SIRPA: variants seen among roughly 807,000 people sequenced by gnomAD.
The protein encoded by SIRPA is tyrosine-protein phosphatase non-receptor type substrate 1.
In SIRPA, 9 loss-of-function variants were observed where a neutral mutation model predicts 50.3. The observed-to-expected ratio is 0.18, with a 90% CI of 0.11 to 0.31. SIRPA has a LOEUF of 0.31. Ranked by LOEUF, SIRPA falls within the 10% of genes least tolerant of loss-of-function variation. The pLI is 1.00. For synonymous variants in SIRPA, 265 were observed against 284.1 expected, an observed-to-expected ratio of 0.93 and a Z score of 0.68; for missense variants, 474 against 661.6, an observed-to-expected ratio of 0.72 and a Z score of 3.11.
intron 2 of SIRPA, among the ~76,000 whole-genome samples, chr20:1,920,752 G>A (rs1985599050): frequency 6.6e-6 from 1 of 152,188 alleles, no homozygotes. Flanking sequence ...AGAGAGCTTT[G>A]GATATGAATA....
intron 5 of SIRPA, among the ~76,000 whole-genome samples, chr20:1,926,573 C>T (rs886629502): frequency 1.4e-4 from 22 of 152,318 alleles, no homozygotes; most frequent in East Asian, 5.8e-4. Context: ...GTGACAGGGA[C>T]GGCTAGTATC....
rs948620896 is a variant in SIRPA at position 1,928,400 on chromosome 20, C to T, written c.1226+501C>T. ...ACGGTGACATTACATCACTGATGTACGTCACCGATGGCACTTTAGTTTGTT... is the reference window on the plus strand; with the variant it reads ...ACGGTGACATTACATCACTGATGTATGTCACCGATGGCACTTTAGTTTGTT... On this transcript the variant is annotated intron_variant, in intron 6 of 7. Coordinates refer to ENST00000358771, the MANE Select transcript of SIRPA (RefSeq NM_001040023.2). The surrounding 1 kb of genome is among the most constrained non-coding windows in gnomAD (Gnocchi z 4.9). Among the ~76,000 whole-genome samples, 17 of 152,156 alleles carry T rather than the reference C, an allele frequency of 1.1e-4. No homozygotes were observed. Among genetic ancestry groups the T allele is most frequent in the Admixed American group, 2.0e-4 (3 of 15,264 alleles).
Position 1,924,862 on chromosome 20 carries a change from A to G in SIRPA, c.1186A>G (p.Ile396Val). ...GATGGCGGCCCTCTACCTCGTCCGA[A>G]TCAGACAGAAGAAAGGTGGGTGCAT... Reference protein sequence around the residue: ...LLMAALYLVRIRQKKAQGSTS... With the variant: ...LLMAALYLVRVRQKKAQGSTS... The change falls in exon 5 of 8, where the codon ATC becomes GTC. Residue 396 changes from isoleucine to valine, a missense_variant. This residue lies in a region of SIRPA where 180 missense variants were observed against 206.7 expected (regional missense o/e 0.87). Coordinates refer to ENST00000358771, the MANE Select transcript of SIRPA (RefSeq NM_001040023.2). This position sits in a 1 kb window ranked among gnomAD's most constrained non-coding sequence, Gnocchi z 4.5. 1 of 1,614,056 alleles carries G rather than the reference A, an allele frequency of 6.2e-7. No individual in the cohort carries two copies. Among genetic ancestry groups the G allele is most frequent in the Non-Finnish European group, 8.5e-7 (1 of 1,179,914 alleles).
At chr20:1,906,518 T>C (rs1984559693) in intron 1 of SIRPA, among the ~76,000 whole-genome samples, 1 of 151,914 alleles carries the variant, frequency 6.6e-6, no homozygotes, top group Admixed American at 6.6e-5. Flanking sequence ...CATGTAGATA[T>C]TTAGGGATGA....
rs1444920612 is a variant in SIRPA, at chr20:1,927,312, CACTT to C, written c.1202-562_1202-559del. On this transcript the variant is annotated intron_variant, in intron 5 of 7. Transcript: ENST00000358771. This position sits in a 1 kb window ranked among gnomAD's most constrained non-coding sequence, Gnocchi z 6.5. ...GTTTAAAACCTCTGAACCAGATGGA[CACTT>C]TCTTTCCTTCCAAGATCCTTTTTTT... 6.6e-6 allele frequency among the ~76,000 whole-genome samples: 1 copy of C among 152,186 alleles called. No individual in the cohort carries two copies. Among genetic ancestry groups the C allele is most frequent in the African/African-American group, 2.4e-5 (1 of 41,446 alleles).
At chr20:1,922,237 G>A (rs2054042171) in intron 3 of SIRPA, 76 bp from the exon 4 acceptor site, 1 of 1,580,354 alleles carries the variant, frequency 6.3e-7, no homozygotes, top group Admixed American at 1.7e-5. Flanking sequence ...ACCGTGGTGG[G>A]GGAGCTACGT....
intron 1 of SIRPA, among the ~76,000 whole-genome samples, chr20:1,905,448 A>G (rs976733872): frequency 6.6e-6 from 1 of 152,184 alleles, no homozygotes; most frequent in Non-Finnish European, 1.5e-5. Flanking sequence ...ACTCTGGGCC[A>G]GGATGTCCTG....
chr20:1,937,297 C>A lies in SIRPA; in HGVS notation c.1267-23C>A, dbSNP rs1329214833. 6.2e-7 allele frequency: 1 copy of A among 1,604,298 alleles called. No individual in the cohort carries two copies. The highest frequency in any genetic ancestry group is 2.2e-5 in the East Asian group (1 of 44,644). On this transcript the variant is annotated intron_variant, in intron 7 of 7. Coordinates refer to ENST00000358771, the MANE Select transcript of SIRPA (RefSeq NM_001040023.2). This position sits in a 1 kb window ranked among gnomAD's most constrained non-coding sequence, Gnocchi z 8.3. Reference sequence around the variant, plus strand: ...TATAGAATGACCTTCTCATGACTTTCTCTTTGGGTATCTTAAATCCAGGAC... The same window carrying A: ...TATAGAATGACCTTCTCATGACTTTATCTTTGGGTATCTTAAATCCAGGAC...
rs755396026 is a variant in SIRPA, at chr20:1,922,642, G to A, written c.1084G>A (p.Ala362Thr). The change falls in exon 4 of 8, where the codon GCT becomes ACT. Residue 362 changes from alanine to threonine, a missense_variant. Physicochemically the swap from Ala to Thr is moderately conservative, Grantham distance 58. This residue lies in a region of SIRPA where 180 missense variants were observed against 206.7 expected (regional missense o/e 0.87). Coordinates refer to ENST00000358771, the MANE Select transcript of SIRPA (RefSeq NM_001040023.2). ...HPKEQGSNTA[A>T]ENTGSNERNI... Reference sequence around the variant, plus strand: ...GAAGGAGCAGGGCTCAAATACCGCCGCTGGTGAGGCCTCTATTTCAGCTGA... The same window carrying A: ...GAAGGAGCAGGGCTCAAATACCGCCACTGGTGAGGCCTCTATTTCAGCTGA... 14 of 1,610,974 alleles carry A rather than the reference G, an allele frequency of 8.7e-6. No individual in the cohort carries two copies. The highest frequency in any genetic ancestry group is 5.1e-5 in the Admixed American group (3 of 59,300).
chr20:1,915,008 A>C, intron 1 of SIRPA, 91 bp from the exon 2 acceptor site: 2 of 1,049,692 alleles, frequency 1.9e-6, no homozygotes, highest in East Asian at 4.9e-5. Context: ...TCTGGTGTGC[A>C]TCCAGTCAAT....
intron 1 of SIRPA, among the ~76,000 whole-genome samples, chr20:1,903,479 G>T (rs1984361118): frequency 6.6e-6 from 1 of 152,170 alleles, no homozygotes; most frequent in East Asian, 1.9e-4. Flanking sequence ...AGCCGTCCTT[G>T]CCCCCTTCGG....
chr20:1,901,520 G>C (rs1029681902), intron 1 of SIRPA, among the ~76,000 whole-genome samples: 3 of 152,160 alleles, frequency 2.0e-5, no homozygotes, highest in Non-Finnish European at 4.4e-5. Flanking sequence ...GGGGCAGTGT[G>C]TGTCCCCAAG....
intron 1 of SIRPA, among the ~76,000 whole-genome samples, chr20:1,899,229 A>G (rs1984018732): frequency 6.6e-6 from 1 of 151,782 alleles, no homozygotes; most frequent in South Asian, 2.1e-4. Flanking sequence ...AAAAAAACAC[A>G]AAGCTGCCGT....
chr20:1,895,548 A>C (rs781759027), intron 1 of SIRPA, 22 bp downstream of exon 1: 2 of 1,417,914 alleles, frequency 1.4e-6, no homozygotes, highest in Non-Finnish European at 1.8e-6. Context: ...CCCGCTCCCC[A>C]CCGCTGCACT....
At chr20:1,910,428 G>A (rs1984819842) in intron 1 of SIRPA, among the ~76,000 whole-genome samples, 1 of 152,146 alleles carries the variant, frequency 6.6e-6, no homozygotes, top group African/African-American at 2.4e-5. Context: ...AAGAAAACAT[G>A]CCGACCCCAT....
rs1202502914 is a variant in SIRPA at position 1,927,981 on chromosome 20, T to C, written c.1226+82T>C. The C allele has an allele frequency of 5.9e-6, 7 of 1,189,238 alleles. No individual in the cohort carries two copies. The highest frequency in any genetic ancestry group is 1.7e-5 in the Admixed American group (1 of 59,462). 73.7% of individuals were successfully genotyped at this position (1,189,238 alleles called of 1,614,324 possible). A position where few individuals can be genotyped will look rare whatever the true frequency, so the allele number is the denominator to read the frequency against. On this transcript the variant is annotated intron_variant, in intron 6 of 7. Coordinates refer to ENST00000358771, the MANE Select transcript of SIRPA (RefSeq NM_001040023.2). The surrounding 1 kb of genome is among the most constrained non-coding windows in gnomAD (Gnocchi z 6.5). ...CCCCCAGACTACAAAGCATAATCCA[T>C]GTCCACTGACCTCACCAATGTGTTG... is the stretch of plus-strand genomic sequence containing the variant.
chr20:1,923,593 G>T (rs1021864667), intron 4 of SIRPA, among the ~76,000 whole-genome samples: 2 of 152,244 alleles, frequency 1.3e-5, no homozygotes, highest in East Asian at 3.9e-4. Context: ...TTCCTAGGAC[G>T]TGTAGGGCAT....
chr20:1,895,245 T>G, upstream of SIRPA: 4 of 425,720 alleles, frequency 9.4e-6, no homozygotes, highest in South Asian at 4.5e-5. Context: ...CGTCTCTCCA[T>G]TTCTCCTGGG....
chr20:1,895,187 G>A, upstream of SIRPA: 1 of 353,900 alleles, frequency 2.8e-6, no homozygotes, highest in Non-Finnish European at 5.0e-6. Flanking sequence ...CCTCTCTCTG[G>A]CCGCCCCTGG....
Sources: gnomAD v4.1 joint callset for allele counts (sites outside exome capture counted in the v4.1 genomes callset) on GRCh38, gnomAD v4.1.1 for gene constraint, gnomAD v4.1.1 regional missense constraint, Gnocchi (gnomAD v3.1) non-coding constraint, MANE v1.5 for transcripts, NCBI Gene and HGNC (gene_info 2026-07-23, HGNC 2026-07-21) for gene names.